HPCAL1: variants seen among roughly 807,000 people sequenced by gnomAD.
HPCAL1 encodes the protein hippocalcin-like protein 1.
In HPCAL1, 8 loss-of-function variants were observed where a neutral mutation model predicts 17.1. The ratio of observed to expected loss-of-function variants is 0.47; its 90% CI spans 0.27 to 0.84. The LOEUF (loss-of-function observed/expected upper bound fraction) is 0.84, where lower values mean the gene tolerates loss of function less well. Among genes scored for constraint, HPCAL1 ranks in the 40% least tolerant of loss-of-function variants. HPCAL1 has a pLI of 0.13. For synonymous variants in HPCAL1, 112 were observed against 111.4 expected, an observed-to-expected ratio of 1.01 and a Z score of -0.03; for missense variants, 165 against 271.1, an observed-to-expected ratio of 0.61 and a Z score of 2.75.
chr2:10,321,631 C>T (rs80352758), intron 1 of HPCAL1, among the ~76,000 whole-genome samples: 11,213 of 152,192 alleles, frequency 0.074, 492 homozygotes, highest in Middle Eastern at 0.092. Flanking sequence ...TCAATCTCCT[C>T]GTGCCCTAGG....
At chr2:10,341,997 A>G (rs939826121) in intron 1 of HPCAL1, among the ~76,000 whole-genome samples, 2 of 150,378 alleles carry the variant, frequency 1.3e-5, no homozygotes, top group African/African-American at 2.4e-5. Context: ...CTCTAGATAA[A>G]GTTTTTTTTT....
intron 1 of HPCAL1, among the ~76,000 whole-genome samples, chr2:10,353,449 G>A (rs939012984): frequency 6.6e-6 from 1 of 152,226 alleles, no homozygotes; most frequent in Non-Finnish European, 1.5e-5. Context: ...CTGCCTGCAG[G>A]TGTGGGGATA....
At chr2:10,388,179 T>C (rs1323355142) in intron 1 of HPCAL1, among the ~76,000 whole-genome samples, 1 of 152,128 alleles carries the variant, frequency 6.6e-6, no homozygotes, top group Non-Finnish European at 1.5e-5. Context: ...AAATAGAAAG[T>C]ACTGGATTGG....
intron 1 of HPCAL1, among the ~76,000 whole-genome samples, chr2:10,333,345 G>T (rs868370368): frequency 5.9e-5 from 9 of 152,162 alleles, no homozygotes; most frequent in Non-Finnish European, 1.3e-4. Context: ...GCTGTCTGTT[G>T]GAGGTCAAGG....
chr2:10,416,148 G>A (rs1019136705), intron 2 of HPCAL1, among the ~76,000 whole-genome samples: 20 of 152,226 alleles, frequency 1.3e-4, no homozygotes, highest in Admixed American at 6.5e-5. Context: ...GGCAGTCAAG[G>A]TAACCTCAGG....
intron 1 of HPCAL1, among the ~76,000 whole-genome samples, chr2:10,305,613 A>G (rs1662571444): frequency 6.6e-6 from 1 of 152,232 alleles, no homozygotes; most frequent in African/African-American, 2.4e-5. Context: ...CAATAAATGG[A>G]AGGTCCTTTG....
chr2:10,352,472 T>C (rs1665899450), intron 1 of HPCAL1, among the ~76,000 whole-genome samples: 1 of 152,112 alleles, frequency 6.6e-6, no homozygotes, highest in Non-Finnish European at 1.5e-5. Context: ...CCCAGTAGGG[T>C]TTATGTTTGG....
chr2:10,336,295 T>A (rs921536309), intron 1 of HPCAL1, among the ~76,000 whole-genome samples: 8 of 152,260 alleles, frequency 5.3e-5, no homozygotes, highest in African/African-American at 1.7e-4. Context: ...ATCTTTTTCT[T>A]AGTGATTTGT....
At chr2:10,414,195 G>A (rs1572853429) in intron 2 of HPCAL1, among the ~76,000 whole-genome samples, 1 of 152,258 alleles carries the variant, frequency 6.6e-6, no homozygotes, top group Admixed American at 6.5e-5. Flanking sequence ...CTGAGAGCAG[G>A]TGTAACGTAC....
chr2:10,376,589 C>A (rs1227342170), intron 1 of HPCAL1, among the ~76,000 whole-genome samples: 2 of 152,026 alleles, frequency 1.3e-5, no homozygotes, highest in Admixed American at 6.6e-5. Context: ...GCGTGCATCA[C>A]CACACCTGGT....
intron 4 of HPCAL1, chr2:10,424,779 G>A: frequency 2.6e-6 from 1 of 389,360 alleles, no homozygotes; most frequent in South Asian, 1.9e-5. Context: ...GTCAGTTCAG[G>A]GAGTGGTCCT....
intron 2 of HPCAL1, among the ~76,000 whole-genome samples, chr2:10,411,724 C>T (rs1317316870): frequency 6.6e-6 from 1 of 152,214 alleles, no homozygotes; most frequent in African/African-American, 2.4e-5. Context: ...CACTGAGCAC[C>T]CCGCTGGCAC....
intron 2 of HPCAL1, among the ~76,000 whole-genome samples, chr2:10,397,890 C>T (rs1464682299): frequency 6.6e-6 from 1 of 152,204 alleles, no homozygotes; most frequent in Non-Finnish European, 1.5e-5. Context: ...TCTGGCTGTG[C>T]CTCTTCACAG....
chr2:10,417,637 C>T (rs1432142522), intron 2 of HPCAL1, among the ~76,000 whole-genome samples: 2 of 152,144 alleles, frequency 1.3e-5, no homozygotes, highest in Admixed American at 6.5e-5. Flanking sequence ...AGGCAATGGC[C>T]ACCTGCACAG....
intron 1 of HPCAL1, among the ~76,000 whole-genome samples, chr2:10,325,625 C>G (rs1003155336): frequency 1.3e-5 from 2 of 152,362 alleles, no homozygotes; most frequent in Middle Eastern, 3.4e-3. Context: ...TCCCTGCTTC[C>G]CCACACCGGG....
intron 2 of HPCAL1, among the ~76,000 whole-genome samples, chr2:10,400,263 T>A (rs992140386): frequency 3.3e-5 from 5 of 152,304 alleles, no homozygotes; most frequent in Admixed American, 1.3e-4. Flanking sequence ...CCCCGACCGC[T>A]GAGGAAGACA....
intron 1 of HPCAL1, among the ~76,000 whole-genome samples, chr2:10,313,353 C>T (rs1001261372): frequency 6.6e-6 from 1 of 152,160 alleles, no homozygotes; most frequent in African/African-American, 2.4e-5. Context: ...GCATTCTGGG[C>T]ACAGAGCCTG....
intron 1 of HPCAL1, among the ~76,000 whole-genome samples, chr2:10,345,822 A>G (rs950657326): frequency 1.3e-5 from 2 of 152,202 alleles, no homozygotes; most frequent in African/African-American, 4.8e-5. Flanking sequence ...ATGCATGTTC[A>G]CTGTAAAATA....
At chr2:10,316,015 A>AG (rs1663291532) in intron 1 of HPCAL1, among the ~76,000 whole-genome samples, 2 of 152,334 alleles carry the variant, frequency 1.3e-5, no homozygotes, top group East Asian at 1.9e-4. Context: ...TCAAAAAAAA[A>AG]CAACATCCAG....
Sources: allele counts gnomAD v4.1 joint callset (sites outside exome capture counted in the v4.1 genomes callset), GRCh38; gene constraint gnomAD v4.1.1; transcripts MANE v1.5; gene names NCBI Gene and HGNC (gene_info 2026-07-23, HGNC 2026-07-21).